Variants in PAK1 observed in about 807,000 individuals in gnomAD.
PAK1 encodes p21 (RAC1) activated kinase 1.
A neutral mutation model predicts 67.4 loss-of-function variants in PAK1; 29 were observed. The ratio of observed to expected loss-of-function variants is 0.43; its 90% CI spans 0.32 to 0.59. The LOEUF is 0.59. Among genes scored for constraint, PAK1 ranks in the 20% least tolerant of loss-of-function variants. PAK1 has a pLI of 0.07. For missense variants in PAK1, 337 were observed against 670.7 expected (o/e 0.50, Z 5.50); for synonymous variants, 223 against 237.4 (o/e 0.94, Z 0.56).
At chr11:77,358,698 C>A in intron 6 of PAK1, 200 bp downstream of exon 6, 1 of 650,522 alleles carries the variant, frequency 1.5e-6, no homozygotes. Context: ...TATCTGCAAA[C>A]CAATGATAAA....
intron 8 of PAK1, among the ~76,000 whole-genome samples, chr11:77,352,794 G>A (rs915229035): frequency 6.6e-6 from 1 of 152,126 alleles, no homozygotes; most frequent in African/African-American, 2.4e-5. Flanking sequence ...TGCTGTACAG[G>A]CTTGTAGCCT....
At chr11:77,330,943 AAAAC>A (rs1243374982) in intron 14 of PAK1, among the ~76,000 whole-genome samples, 95 of 152,350 alleles carry the variant, frequency 6.2e-4, no homozygotes, top group African/African-American at 2.1e-3. Context: ...TTACAAGAAA[AAAAC>A]AAACAACCCC....
chr11:77,391,062 C>T (rs1951079512), intron 2 of PAK1, among the ~76,000 whole-genome samples: 1 of 152,170 alleles, frequency 6.6e-6, no homozygotes, highest in Non-Finnish European at 1.5e-5. Flanking sequence ...TTTCTATGTT[C>T]CCTATTGGGC....
At chr11:77,500,144 A>C in the PAK1 span, among the ~76,000 whole-genome samples, 1 of 152,250 alleles carries the variant, frequency 6.6e-6, no homozygotes, top group Non-Finnish European at 1.5e-5. Flanking sequence ...TACATAACTC[A>C]GATTCAACTG....
At chr11:77,503,476 A>T in the PAK1 span, among the ~76,000 whole-genome samples, 4 of 152,212 alleles carry the variant, frequency 2.6e-5, no homozygotes, top group African/African-American at 9.7e-5. Flanking sequence ...GGACCTTTTT[A>T]CACTTTTAAA....
upstream of PAK1, among the ~76,000 whole-genome samples, chr11:77,477,973 TGA>T (rs1958077505): frequency 6.6e-6 from 1 of 152,168 alleles, no homozygotes; most frequent in Admixed American, 6.5e-5. Context: ...AGTTCAGGGT[TGA>T]GAGTGGCCAG....
At chr11:77,443,090 C>T (rs1243934223) in intron 1 of PAK1, among the ~76,000 whole-genome samples, 2 of 151,940 alleles carry the variant, frequency 1.3e-5, no homozygotes, top group South Asian at 2.1e-4. Flanking sequence ...TTTGGGAGGC[C>T]GAGGTGGGTG....
the PAK1 span, among the ~76,000 whole-genome samples, chr11:77,484,950 T>C: frequency 0.81 from 123,052 of 152,144 alleles, 50,738 homozygotes; most frequent in African/African-American, 0.95. Context: ...ACTTGGATGG[T>C]AGCAGGCAAA....
At chr11:77,414,200 A>G (rs1446717638) in intron 1 of PAK1, among the ~76,000 whole-genome samples, 1 of 152,220 alleles carries the variant, frequency 6.6e-6, no homozygotes, top group African/African-American at 2.4e-5. Flanking sequence ...TCTCTTCTCC[A>G]AGATAAATAC....
chr11:77,504,997 T>C, the PAK1 span, among the ~76,000 whole-genome samples: 1 of 152,238 alleles, frequency 6.6e-6, no homozygotes, highest in Non-Finnish European at 1.5e-5. Context: ...GATAGCCTAG[T>C]GGAGCCACGA....
intron 1 of PAK1, among the ~76,000 whole-genome samples, chr11:77,457,464 G>A (rs552799761): frequency 5.2e-4 from 79 of 152,270 alleles, no homozygotes; most frequent in Admixed American, 1.6e-3. Flanking sequence ...TTCACTGGCT[G>A]GGACCGTGTG....
chr11:77,421,304 C>T lies in PAK1; in HGVS notation c.-21-28763G>A, dbSNP rs138830353. Among the ~76,000 whole-genome samples, 877 of 152,326 alleles carry T rather than the reference C, an allele frequency of 5.8e-3. 19 individuals carry two copies. Among genetic ancestry groups the T allele is most frequent in the African/African-American group, 0.02 (852 of 41,570 alleles). ...GACTATGCCTGAAAACACATTTCCC[C>T]TCAGATAACCATATGGCTTATTCCC... is the stretch of plus-strand genomic sequence containing the variant. On this transcript the variant is annotated intron_variant, in intron 1 of 14. Transcript: ENST00000356341.
At chr11:77,460,766 A>T (rs145923140) in intron 1 of PAK1, among the ~76,000 whole-genome samples, 1 of 152,174 alleles carries the variant, frequency 6.6e-6, no homozygotes, top group South Asian at 2.1e-4. Context: ...TTGTAAAAGA[A>T]GGGGCAAAGG....
intron 4 of PAK1, among the ~76,000 whole-genome samples, chr11:77,376,180 T>TA (rs1273964052): frequency 6.6e-6 from 1 of 152,220 alleles, no homozygotes; most frequent in East Asian, 1.9e-4. Flanking sequence ...GTAATAGGCA[T>TA]ACTTGTTATG....
intron 2 of PAK1, among the ~76,000 whole-genome samples, chr11:77,385,424 T>A (rs945588200): frequency 1.3e-5 from 2 of 152,260 alleles, no homozygotes; most frequent in Admixed American, 1.3e-4. Flanking sequence ...TAAAATTCTA[T>A]CTCACATCAT....
chr11:77,500,546 C>T, the PAK1 span, among the ~76,000 whole-genome samples: 1 of 152,156 alleles, frequency 6.6e-6, no homozygotes, highest in South Asian at 2.1e-4. Context: ...CCAAAGCCCT[C>T]CTCAAGATTT....
At chr11:77,387,782 C>CA (rs770242506) in intron 2 of PAK1, among the ~76,000 whole-genome samples, 1 of 152,178 alleles carries the variant, frequency 6.6e-6, no homozygotes, top group Non-Finnish European at 1.5e-5. Context: ...TGGCTGGACT[C>CA]AATCTGTGTT....
At chr11:77,507,541 A>G in the PAK1 span, among the ~76,000 whole-genome samples, 1 of 151,592 alleles carries the variant, frequency 6.6e-6, no homozygotes, top group Non-Finnish European at 1.5e-5. Flanking sequence ...TTTCTTTTTC[A>G]GACAGGGTCT....
chr11:77,472,332 C>T (rs545195601), intron 1 of PAK1, among the ~76,000 whole-genome samples: 1 of 152,214 alleles, frequency 6.6e-6, no homozygotes, highest in South Asian at 2.1e-4. Flanking sequence ...TTATATGCAC[C>T]TGACTTAGAA....
Sources: gnomAD v4.1 joint callset for allele counts (sites outside exome capture counted in the v4.1 genomes callset) on GRCh38, gnomAD v4.1.1 for gene constraint, MANE v1.5 for transcripts, NCBI Gene and HGNC (gene_info 2026-07-23, HGNC 2026-07-21) for gene names.